FYCO1: variants seen among roughly 807,000 people sequenced by gnomAD.
The protein encoded by FYCO1 is FYVE and coiled-coil domain-containing protein 1.
In FYCO1, 122 loss-of-function variants were observed where a neutral mutation model predicts 165.1. That is an observed-to-expected ratio of 0.74 (90% CI 0.64 to 0.86). FYCO1 has a LOEUF of 0.86. Ranked by LOEUF, FYCO1 falls within the 40% of genes least tolerant of loss-of-function variation. FYCO1 has a pLI of 0.00. For missense variants in FYCO1, 1,702 were observed against 1,810.3 expected (o/e 0.94, Z 1.09); for synonymous variants, 648 against 742.5 (o/e 0.87, Z 2.07).
In FYCO1 at chr3:45,973,232, C is replaced by A; in HGVS notation, c.396-1G>T. The A allele has an allele frequency of 6.2e-7, 1 of 1,614,010 alleles. No individual in the cohort carries two copies. Among genetic ancestry groups the A allele is most frequent in the Non-Finnish European group, 8.5e-7 (1 of 1,179,860 alleles). On this transcript the variant is annotated splice_acceptor_variant, in intron 5 of 17. Transcript: ENST00000296137. LOFTEE classifies it high-confidence loss of function. ...GGGGCTTCTTGCATAGTACCAGTCA[C>A]TGCAGAAAAACATGTCAATTATAAG...
chr3:45,947,469 G>T, intron 14 of FYCO1: 3 of 1,614,194 alleles, frequency 1.9e-6, no homozygotes, highest in Non-Finnish European at 2.5e-6. Flanking sequence ...GACTTTTTCT[G>T]CCTCCCACAA....
At position 45,965,021 on chromosome 3, in the gene FYCO1, A is replaced by C. The variant is rs1413296849; in HGVS notation, c.3150+12T>G. On this transcript the variant is annotated intron_variant, in intron 9 of 17. Transcript: ENST00000296137. Reference sequence around the variant, plus strand: ...GCCCTCTCCCTGACAGGTCTACACTACCAGGGCCTACCTTCAGCTTCTCCA... The same window carrying C: ...GCCCTCTCCCTGACAGGTCTACACTCCCAGGGCCTACCTTCAGCTTCTCCA... 6.2e-7 allele frequency: 1 copy of C among 1,608,920 alleles called. No individual in the cohort carries two copies.
chr3:45,979,006 G>A (rs1037280668), intron 4 of FYCO1, among the ~76,000 whole-genome samples: 1 of 151,804 alleles, frequency 6.6e-6, no homozygotes, highest in Admixed American at 6.6e-5. Flanking sequence ...ACAGGCGCCC[G>A]CCACCACGCC....
intron 11 of FYCO1, among the ~76,000 whole-genome samples, chr3:45,960,228 T>G (rs35827997): frequency 0.094 from 14,276 of 152,158 alleles, 1,042 homozygotes; most frequent in South Asian, 0.35. Context: ...TTCTGACATG[T>G]GAAGTTTAGT....
chr3:45,949,107 G>C (rs1704829195), intron 14 of FYCO1, among the ~76,000 whole-genome samples: 2 of 152,186 alleles, frequency 1.3e-5, no homozygotes. Flanking sequence ...CATACCATGT[G>C]CACCTGGTGC....
intron 15 of FYCO1, among the ~76,000 whole-genome samples, chr3:45,932,042 G>A (rs754094933): frequency 3.4e-4 from 52 of 152,222 alleles, no homozygotes; most frequent in Non-Finnish European, 4.1e-4. Context: ...CAAGGGACCT[G>A]CCTCACTGCA....
chr3:45,968,815 C>G (rs1575373288), intron 7 of FYCO1, 112 bp from the exon 8 acceptor site: 1 of 1,254,134 alleles, frequency 8.0e-7, no homozygotes, highest in East Asian at 2.4e-5. Context: ...ATTACCTGCC[C>G]TAAGGTTAGT....
At chr3:45,986,937 G>C (rs542486729) in intron 1 of FYCO1, among the ~76,000 whole-genome samples, 1 of 152,302 alleles carries the variant, frequency 6.6e-6, no homozygotes, top group East Asian at 1.9e-4. Flanking sequence ...ACACAGTCCA[G>C]CCCTGGAAGA....
chr3:45,947,221 TC>T, intron 14 of FYCO1: 1 of 1,614,176 alleles, frequency 6.2e-7, no homozygotes, highest in Non-Finnish European at 8.5e-7. Context: ...CAGATGCCCT[TC>T]AACCTCATGA....
At chr3:45,977,356 TA>T (rs1417365630) in intron 4 of FYCO1, among the ~76,000 whole-genome samples, 13 of 3,512 alleles carry the variant, frequency 3.7e-3, no homozygotes, top group African/African-American at 7.3e-3. Flanking sequence ...ATTAAATATA[TA>T]TATATATATA....
chr3:45,946,234 G>A (rs1704592301), intron 14 of FYCO1: 1 of 472,006 alleles, frequency 2.1e-6, no homozygotes, highest in African/African-American at 1.9e-5. Context: ...TCCCAGATGG[G>A]TGAGATCCTG....
intron 4 of FYCO1, among the ~76,000 whole-genome samples, chr3:45,975,925 C>A (rs73830672): frequency 0.011 from 1,682 of 152,258 alleles, 40 homozygotes; most frequent in African/African-American, 0.038. Context: ...TGCGTGAGTG[C>A]GGCCGTGTAA....
chr3:45,983,747 A>AG (rs747916409), intron 2 of FYCO1, among the ~76,000 whole-genome samples: 2 of 151,514 alleles, frequency 1.3e-5, no homozygotes, highest in Non-Finnish European at 2.9e-5. Flanking sequence ...GATTTAAAAA[A>AG]GCATCTAATG....
In FYCO1 at chr3:45,981,579, A is replaced by G; in HGVS notation, c.153T>C (p.Tyr51=). The G allele has an allele frequency of 1.3e-6, 2 of 1,597,076 alleles. No individual in the cohort carries two copies. The highest frequency in any genetic ancestry group is 2.2e-5 in the South Asian group (2 of 90,712). ...SLHKFSYKLE[Y]LLQFDQKEKA... ...TACAGGCATCACTTACTTGCAGGAG[A>G]TACTCAAGTTTATAAGAAAATTTAT... The change falls in exon 3 of 18, where the codon TAT becomes TAC. Residue 51 remains tyrosine (Y), a synonymous_variant. Coordinates refer to ENST00000296137, the MANE Select transcript of FYCO1 (RefSeq NM_024513.4).
intron 14 of FYCO1, among the ~76,000 whole-genome samples, chr3:45,944,582 A>C (rs940761746): frequency 6.6e-6 from 1 of 152,236 alleles, no homozygotes; most frequent in African/African-American, 2.4e-5. Context: ...AGGATAAAGA[A>C]ATGAATGTTT....
rs943694082 is a variant in FYCO1, at chr3:45,993,375, T to C, written c.-113+2347A>G. 1.3e-5 allele frequency among the ~76,000 whole-genome samples: 2 copies of C among 152,356 alleles called. No homozygotes were observed. Among genetic ancestry groups the C allele is most frequent in the Non-Finnish European group, 1.5e-5 (1 of 68,038 alleles). ...TTTGCTCCAAGGCAATGGCTCTTAT[T>C]ATGGGGGTAGTACAGACATTTCAGC... On this transcript the variant is annotated intron_variant, in intron 1 of 17. Transcript: ENST00000296137. The surrounding 1 kb of genome is among the most constrained non-coding windows in gnomAD (Gnocchi z 4.4).
intron 16 of FYCO1, among the ~76,000 whole-genome samples, chr3:45,930,019 CA>C (rs1703513999): frequency 6.6e-6 from 1 of 152,204 alleles, no homozygotes; most frequent in Non-Finnish European, 1.5e-5. Flanking sequence ...ACCAAACACA[CA>C]AGGGACTATT....
chr3:45,990,325 C>A (rs1190969493), intron 1 of FYCO1, among the ~76,000 whole-genome samples: 3 of 152,156 alleles, frequency 2.0e-5, no homozygotes, highest in African/African-American at 7.2e-5. Context: ...GTGGGTGGAG[C>A]TCTGACCTTT....
In FYCO1 at chr3:45,967,085, T is replaced by C. The variant is rs772493706; in HGVS notation, c.2249A>G (p.Glu750Gly). The C allele has an allele frequency of 1.2e-6, 2 of 1,613,992 alleles. No homozygotes were observed. The highest frequency in any genetic ancestry group is 2.2e-5 in the South Asian group (2 of 91,084). Residue 750 changes from glutamate (E) to glycine (G), a missense_variant, in exon 8 of 18, where the codon GAG becomes GGG. By Grantham distance (98) the Glu-to-Gly change is moderately conservative. Transcript: ENST00000296137. ...QTQLIEVLTA[E>G]KGQQGVGPPT... is the part of the protein sequence containing the mutation. Reference sequence around the variant, plus strand: ...TGGGCCAACTCCCTGTTGGCCTTTCTCTGCTGTGAGGACCTCAATCAGCTG... The same window carrying C: ...TGGGCCAACTCCCTGTTGGCCTTTCCCTGCTGTGAGGACCTCAATCAGCTG...
Sources: gnomAD v4.1 joint callset for allele counts (sites outside exome capture counted in the v4.1 genomes callset) on GRCh38, gnomAD v4.1.1 for gene constraint, Gnocchi (gnomAD v3.1) non-coding constraint, MANE v1.5 for transcripts, NCBI Gene and HGNC (gene_info 2026-07-23, HGNC 2026-07-21) for gene names.